HSPA12A: variants seen among roughly 807,000 people sequenced by gnomAD.
HSPA12A encodes the protein heat shock protein family A (Hsp70) member 12A, also known as heat shock 70 kDa protein 12A.
HSPA12A carries 28 observed loss-of-function variants against 69.2 expected under a neutral mutation model. The observed-to-expected ratio is 0.40, with a 90% CI of 0.30 to 0.55. The LOEUF (loss-of-function observed/expected upper bound fraction) is 0.55, where lower values mean the gene tolerates loss of function less well. Among genes scored for constraint, HSPA12A ranks in the 20% least tolerant of loss-of-function variants. The probability of loss-of-function intolerance (pLI) is 0.38; values close to 1 mark genes in which losing one functional copy is unlikely to be tolerated. For missense variants in HSPA12A, 686 were observed against 900.7 expected, an observed-to-expected ratio of 0.76 and a Z score of 3.05; for synonymous variants, 345 against 370.5, an observed-to-expected ratio of 0.93 and a Z score of 0.79.
At chr10:116,820,992 T>TC (rs1488376207) in intron 2 of HSPA12A, among the ~76,000 whole-genome samples, 6 of 151,970 alleles carry the variant, frequency 3.9e-5, no homozygotes, top group African/African-American at 1.5e-4. Flanking sequence ...TCCTATGGCC[T>TC]CCCCCTGCAC....
At chr10:116,793,213 T>TA (rs1205323801) in intron 2 of HSPA12A, among the ~76,000 whole-genome samples, 1 of 152,076 alleles carries the variant, frequency 6.6e-6, no homozygotes, top group Non-Finnish European at 1.5e-5. Flanking sequence ...GCAAAAGGAA[T>TA]AAAAAACACT....
At chr10:116,791,181 T>TG (rs1844694328) in intron 2 of HSPA12A, among the ~76,000 whole-genome samples, 2 of 152,212 alleles carry the variant, frequency 1.3e-5, no homozygotes, top group Non-Finnish European at 2.9e-5. Flanking sequence ...TGTGTGCTGC[T>TG]TGGATGAAGG....
rs908378273 is a variant in HSPA12A, at chr10:116,752,289, G to A, written c.92-45004C>T. Among the ~76,000 whole-genome samples, 6 of 152,308 alleles carry A rather than the reference G, an allele frequency of 3.9e-5. 1 individual carries two copies. In the South Asian group the frequency reaches 1.2e-3, roughly 32 times the overall value. ...GTGCTTTAAAACAATTCAAGGAAAT[G>A]GGGCTATGCCCTCTTTCTTTGAAGT... is the stretch of plus-strand genomic sequence containing the variant. On this transcript the variant is annotated intron_variant, in intron 2 of 12. Transcript: ENST00000635765.
At position 116,674,625 on chromosome 10, in the gene HSPA12A, G is replaced by C. The variant is rs1381136884; in HGVS notation, c.*156C>G. On this transcript the variant is annotated 3_prime_UTR_variant, in exon 12 of 12. Transcript: ENST00000369209. ...TTCTGACTCCAGTGTGCCCTCAAAAGTCACTAATTATTTCTAGCCCTGATT... is the reference window on the plus strand; with the variant it reads ...TTCTGACTCCAGTGTGCCCTCAAAACTCACTAATTATTTCTAGCCCTGATT... The C allele has an allele frequency of 6.8e-6, 5 of 734,148 alleles. No individual in the cohort carries two copies. Among genetic ancestry groups the C allele is most frequent in the Admixed American group, 2.9e-5 (1 of 34,548 alleles). The allele number at this position is 734,148 out of a possible 1,614,324, so 45.5% of individuals were successfully genotyped here. A position where few individuals can be genotyped will look rare whatever the true frequency, so the allele number is the denominator to read the frequency against.
At chr10:116,705,679 G>A (rs1193926624) in intron 2 of HSPA12A, among the ~76,000 whole-genome samples, 2 of 152,234 alleles carry the variant, frequency 1.3e-5, no homozygotes, top group Non-Finnish European at 2.9e-5. Context: ...GCCACTGCCA[G>A]GAGCATTTCG....
At chr10:116,807,888 G>A (rs112939032) in intron 2 of HSPA12A, among the ~76,000 whole-genome samples, 16 of 152,152 alleles carry the variant, frequency 1.1e-4, no homozygotes, top group Admixed American at 3.3e-4. Flanking sequence ...TGCAGACTGC[G>A]CCCAGACTTC....
intron 2 of HSPA12A, chr10:116,750,237 C>G (rs1851744773): frequency 3.8e-6 from 3 of 785,460 alleles, no homozygotes; most frequent in Admixed American, 1.7e-5. Flanking sequence ...CTCAATAGGT[C>G]TGGCATGGGC....
intron 1 of HSPA12A, among the ~76,000 whole-genome samples, 179 bp from the exon 2 acceptor site, chr10:116,707,464 T>G (rs1297172122): frequency 1.3e-5 from 2 of 152,216 alleles, no homozygotes; most frequent in Non-Finnish European, 2.9e-5. Context: ...AGCACCTCTT[T>G]GCATTTGGTA....
At chr10:116,793,522 G>A (rs896281498) in intron 2 of HSPA12A, among the ~76,000 whole-genome samples, 2 of 152,052 alleles carry the variant, frequency 1.3e-5, no homozygotes, top group African/African-American at 2.4e-5. Context: ...AGTAAGCCAC[G>A]ATCACACCAC....
rs76734800 is a variant in HSPA12A at position 116,733,081 on chromosome 10, A to G, written c.40+9349T>C. On this transcript the variant is annotated intron_variant, in intron 1 of 11. Transcript: ENST00000369209. Reference sequence around the variant, plus strand: ...GAAACCACCACCCAAACTGATAACCATCATCCCTTCAAATCGGTCCAGCAG... The same window carrying G: ...GAAACCACCACCCAAACTGATAACCGTCATCCCTTCAAATCGGTCCAGCAG... Among the ~76,000 whole-genome samples the G allele has an allele frequency of 3.7e-3, 567 of 152,272 alleles. 8 individuals carry two copies. The East Asian group carries it at 0.062, about 17-fold the overall frequency.
chr10:116,754,556 G>T (rs1334234476), intron 2 of HSPA12A, among the ~76,000 whole-genome samples: 1 of 152,192 alleles, frequency 6.6e-6, no homozygotes, highest in Non-Finnish European at 1.5e-5. Flanking sequence ...TGATCTAACA[G>T]GTGTGTAACG....
At chr10:116,759,239 T>C (rs1427245424) in intron 2 of HSPA12A, among the ~76,000 whole-genome samples, 2 of 152,360 alleles carry the variant, frequency 1.3e-5, no homozygotes, top group East Asian at 3.9e-4. Context: ...TAACAAGTCA[T>C]TTCAGAGGTA....
In HSPA12A at chr10:116,675,261, C is replaced by G. The variant is rs1554877485; in HGVS notation, c.1548G>C (p.Lys516Asn). 6.2e-7 allele frequency: 1 copy of G among 1,613,694 alleles called. No homozygotes were observed. The highest frequency in any genetic ancestry group is 8.5e-7 in the Non-Finnish European group (1 of 1,180,028). ...IPQDVGLTIL[K>N]GAVLFGLDPA... ...GGTCCAGGCCAAAGAGGACGGCACC[C>G]TTGAGGATGGTGAGGCCCACGTCCT... The change falls in exon 12 of 12, where the codon AAG becomes AAC. Residue 516 changes from lysine to asparagine, a missense_variant. Lys to Asn is a moderately conservative substitution (Grantham distance 94, BLOSUM62 0). Transcript: ENST00000369209. The surrounding 1 kb of genome is among the most constrained non-coding windows in gnomAD (Gnocchi z 5.2).
At chr10:116,682,022 G>A in intron 7 of HSPA12A, 145 bp from the exon 8 acceptor site, 1 of 677,112 alleles carries the variant, frequency 1.5e-6, no homozygotes, top group African/African-American at 1.8e-5. Flanking sequence ...ATACGATGTC[G>A]GGAATCACAA....
At chr10:116,677,222 A>G (rs1849266425) in intron 10 of HSPA12A, among the ~76,000 whole-genome samples, 1 of 152,148 alleles carries the variant, frequency 6.6e-6, no homozygotes, top group East Asian at 1.9e-4. Context: ...CGCTCTGGAA[A>G]CTTTCTGGCA....
chr10:116,753,894 T>A (rs1843762101), intron 2 of HSPA12A, among the ~76,000 whole-genome samples: 1 of 152,156 alleles, frequency 6.6e-6, no homozygotes, highest in South Asian at 2.1e-4. Flanking sequence ...ACAAGTCTAA[T>A]CATATGAACA....
chr10:116,821,900 A>T (rs1017075755), intron 2 of HSPA12A, among the ~76,000 whole-genome samples: 1 of 152,234 alleles, frequency 6.6e-6, no homozygotes, highest in Non-Finnish European at 1.5e-5. Flanking sequence ...GGTCTGAAAA[A>T]ACAGGAGTAG....
chr10:116,742,758 G>A (rs1160330191), upstream of HSPA12A, among the ~76,000 whole-genome samples: 1 of 151,750 alleles, frequency 6.6e-6, no homozygotes, highest in African/African-American at 2.4e-5. Flanking sequence ...AGAGCGGCCC[G>A]CCGAGGCCCG....
chr10:116,741,837 G>T (rs1450181623), intron 1 of HSPA12A, among the ~76,000 whole-genome samples: 2 of 152,204 alleles, frequency 1.3e-5, no homozygotes, highest in African/African-American at 4.8e-5. Flanking sequence ...CCAGCCCAGT[G>T]AGTCCCTGGG....
Sources: allele counts gnomAD v4.1 joint callset (sites outside exome capture counted in the v4.1 genomes callset), GRCh38; gene constraint gnomAD v4.1.1; non-coding constraint Gnocchi (gnomAD v3.1); transcripts MANE v1.5; gene names NCBI Gene and HGNC (gene_info 2026-07-23, HGNC 2026-07-21).